CDH2: variants seen among roughly 807,000 people sequenced by gnomAD.
The protein encoded by CDH2 is cadherin 2, also known as cadherin-2.
CDH2 carries 17 observed loss-of-function variants against 92.0 expected under a neutral mutation model. The ratio of observed to expected loss-of-function variants is 0.18; its 90% CI spans 0.13 to 0.28. The LOEUF (loss-of-function observed/expected upper bound fraction) is 0.28, where lower values mean the gene tolerates loss of function less well. CDH2 is among the 10% of genes least tolerant of loss of function. The pLI, the probability that CDH2 is intolerant of heterozygous loss-of-function variation, is 1.00. For missense variants in CDH2, 862 were observed against 1,133.1 expected, an observed-to-expected ratio of 0.76 and a Z score of 3.44; for synonymous variants, 419 against 415.9, an observed-to-expected ratio of 1.01 and a Z score of -0.09.
intron 1 of CDH2, among the ~76,000 whole-genome samples, chr18:28,162,718 G>C (rs997524498): frequency 6.6e-6 from 1 of 152,180 alleles, no homozygotes; most frequent in Non-Finnish European, 1.5e-5. Flanking sequence ...TCAAGGAACT[G>C]GCCGAGTTGT....
At chr18:28,137,526 T>C (rs1167155351) in intron 2 of CDH2, among the ~76,000 whole-genome samples, 1 of 151,840 alleles carries the variant, frequency 6.6e-6, no homozygotes, top group Non-Finnish European at 1.5e-5. Context: ...AAAAGCAAAC[T>C]TTAGACTCTT....
At chr18:28,053,780 A>T (rs1012923436) in intron 2 of CDH2, among the ~76,000 whole-genome samples, 4 of 152,072 alleles carry the variant, frequency 2.6e-5, no homozygotes, top group Admixed American at 6.6e-5. Context: ...GTCTTTTAAG[A>T]CTATTGGTGC....
At chr18:28,021,384 C>T (rs777320691) in intron 2 of CDH2, among the ~76,000 whole-genome samples, 8 of 151,874 alleles carry the variant, frequency 5.3e-5, no homozygotes, top group South Asian at 2.1e-4. Context: ...AAAGAAAATA[C>T]GCTTCCTTAG....
At chr18:27,940,982 T>C (rs534858523) in intron 6 of CDH2, among the ~76,000 whole-genome samples, 3 of 152,160 alleles carry the variant, frequency 2.0e-5, no homozygotes, top group East Asian at 3.9e-4. Context: ...GGCTTTTAGT[T>C]TGTAGGAGAG....
intron 2 of CDH2, among the ~76,000 whole-genome samples, chr18:28,023,778 T>A (rs1011202553): frequency 1.3e-5 from 2 of 152,214 alleles, no homozygotes; most frequent in African/African-American, 4.8e-5. Flanking sequence ...GTCATCAATA[T>A]ACAATAACTT....
intron 6 of CDH2, among the ~76,000 whole-genome samples, chr18:27,936,612 C>T (rs1337184533): frequency 6.6e-6 from 1 of 152,156 alleles, no homozygotes; most frequent in Non-Finnish European, 1.5e-5. Context: ...TCCCTGCAGC[C>T]TCAATGTCCC....
At chr18:28,092,226 A>G (rs575070398) in intron 2 of CDH2, among the ~76,000 whole-genome samples, 3 of 152,236 alleles carry the variant, frequency 2.0e-5, no homozygotes, top group African/African-American at 7.2e-5. Context: ...TCTAACATGT[A>G]ATGACAGTCT....
intron 2 of CDH2, chr18:28,097,379 A>ATT (rs1371131689): frequency 6.6e-6 from 1 of 151,738 alleles, no homozygotes; most frequent in Admixed American, 6.6e-5. Flanking sequence ...TTTTTAAAAA[A>ATT]AAAAAAAAAA....
At chr18:27,972,963 A>G (rs981069616) in intron 14 of CDH2, among the ~76,000 whole-genome samples, 3 of 152,196 alleles carry the variant, frequency 2.0e-5, no homozygotes, top group African/African-American at 7.2e-5. Context: ...GAAGAAATGG[A>G]CTACGTTAAA....
intron 13 of CDH2, 50 bp from the exon 14 acceptor site, chr18:27,983,133 G>A: frequency 6.9e-7 from 1 of 1,453,334 alleles, no homozygotes; most frequent in Non-Finnish European, 9.5e-7. Context: ...TTTAAAGCCT[G>A]GCCTATTTAG....
At chr18:28,028,585 T>C (rs990082115) in intron 2 of CDH2, among the ~76,000 whole-genome samples, 2 of 152,052 alleles carry the variant, frequency 1.3e-5, no homozygotes, top group Admixed American at 1.3e-4. Context: ...ATAATATATA[T>C]AAAAAACAGG....
chr18:28,087,112 GTC>G (rs1384753245), intron 2 of CDH2, among the ~76,000 whole-genome samples: 1 of 152,150 alleles, frequency 6.6e-6, no homozygotes, highest in Non-Finnish European at 1.5e-5. Flanking sequence ...TCCTTTTCAT[GTC>G]TCTTACTTAT....
chr18:28,024,101 T>TA (rs1165236555), intron 2 of CDH2, among the ~76,000 whole-genome samples: 1 of 152,186 alleles, frequency 6.6e-6, no homozygotes, highest in East Asian at 1.9e-4. Flanking sequence ...CAAAACTACT[T>TA]ACGTCTAAGA....
intron 6 of CDH2, among the ~76,000 whole-genome samples, chr18:27,943,764 C>A (rs144767700): frequency 6.6e-6 from 1 of 152,122 alleles, no homozygotes; most frequent in East Asian, 1.9e-4. Flanking sequence ...TGGTTCAACG[C>A]AGTCTCTGAG....
chr18:27,950,829 T>C (rs992374959), downstream of CDH2: 1 of 152,268 alleles, frequency 6.6e-6, no homozygotes, highest in Non-Finnish European at 1.5e-5. Context: ...ACACCGTACA[T>C]GGTTGCCATG....
At chr18:28,022,885 T>C (rs1406277532) in intron 2 of CDH2, among the ~76,000 whole-genome samples, 2 of 152,290 alleles carry the variant, frequency 1.3e-5, no homozygotes, top group Non-Finnish European at 2.9e-5. Flanking sequence ...TATTTTTATA[T>C]GGCCTTTGCA....
At chr18:27,979,422 G>A (rs2011965878) in intron 14 of CDH2, among the ~76,000 whole-genome samples, 1 of 152,122 alleles carries the variant, frequency 6.6e-6, no homozygotes, top group African/African-American at 2.4e-5. Flanking sequence ...TTTGGAAAAC[G>A]TACAGGACTG....
chr18:27,949,077 C>T (rs1439776667), downstream of CDH2, among the ~76,000 whole-genome samples: 2 of 151,870 alleles, frequency 1.3e-5, no homozygotes, highest in Non-Finnish European at 2.9e-5. Context: ...CACATGGTTA[C>T]AGTCATTTTA....
At chr18:27,967,815 T>A (rs1349450164) in intron 14 of CDH2, among the ~76,000 whole-genome samples, 3 of 152,226 alleles carry the variant, frequency 2.0e-5, no homozygotes, top group Non-Finnish European at 4.4e-5. Flanking sequence ...GAAGTTAGCA[T>A]GACTTGCAAT....
Sources: gnomAD v4.1 joint callset for allele counts (sites outside exome capture counted in the v4.1 genomes callset) on GRCh38, gnomAD v4.1.1 for gene constraint, MANE v1.5 for transcripts, NCBI Gene and HGNC (gene_info 2026-07-23, HGNC 2026-07-21) for gene names.